Variants in VTI1A observed in about 807,000 individuals in gnomAD.
VTI1A encodes vesicle transport through interaction with t-SNAREs homolog 1A.
Under a neutral mutation model 34.9 loss-of-function variants are expected in VTI1A, and 22 were observed. The observed-to-expected ratio is 0.63, with a 90% CI of 0.45 to 0.90. The LOEUF is 0.90. Ranked by LOEUF, VTI1A falls within the 40% of genes least tolerant of loss-of-function variation. The pLI is 0.00. For missense variants in VTI1A, 268 were observed against 275.6 expected (o/e 0.97, Z 0.20); for synonymous variants, 87 against 97.3 (o/e 0.89, Z 0.62).
rs533346428 is a variant in VTI1A, at chr10:112,782,465, G to T, written c.561-32825G>T. ...AAGATAGGACCTTAGCGTTTCCAAG[G>T]CCTTCTGAGTGAAAACATCTGTATC... On this transcript the variant is annotated intron_variant, in intron 7 of 7. Coordinates refer to ENST00000393077, the MANE Select transcript of VTI1A (RefSeq NM_145206.4). Among the ~76,000 whole-genome samples, 3 of 152,374 alleles carry T rather than the reference G, an allele frequency of 2.0e-5. No homozygotes were observed. The East Asian group carries it at 5.8e-4, about 29-fold the overall frequency.
chr10:112,830,841 A>T, the VTI1A span, among the ~76,000 whole-genome samples: 35 of 46,176 alleles, frequency 7.6e-4, 3 homozygotes, highest in African/African-American at 2.7e-3. Context: ...ATATATATAT[A>T]TATATATATT....
At chr10:112,851,648 CAG>C in the VTI1A span, among the ~76,000 whole-genome samples, 8 of 152,162 alleles carry the variant, frequency 5.3e-5, no homozygotes, top group Non-Finnish European at 1.2e-4. Flanking sequence ...GTATTGAAAA[CAG>C]AGGGATGTGA....
intron 4 of VTI1A, 107 bp from the exon 5 acceptor site, chr10:112,538,139 C>T (rs1589876526): frequency 3.5e-6 from 3 of 852,118 alleles, no homozygotes; most frequent in East Asian, 5.3e-5. Flanking sequence ...GGGTTGCGAA[C>T]CCCCCCACCC....
intron 5 of VTI1A, among the ~76,000 whole-genome samples, chr10:112,635,354 G>A (rs1846313811): frequency 1.3e-5 from 2 of 152,166 alleles, no homozygotes; most frequent in Non-Finnish European, 2.9e-5. Context: ...AGGATTGTAC[G>A]GATTGGAGAT....
intron 5 of VTI1A, among the ~76,000 whole-genome samples, chr10:112,621,689 A>G: frequency 6.6e-6 from 1 of 152,186 alleles, no homozygotes; most frequent in East Asian, 1.9e-4. Flanking sequence ...CCCTGTCTCT[A>G]GAAGTCCTTT....
At chr10:112,747,632 T>C (rs1850944844) in intron 7 of VTI1A, among the ~76,000 whole-genome samples, 3 of 152,332 alleles carry the variant, frequency 2.0e-5, no homozygotes, top group Admixed American at 2.0e-4. Flanking sequence ...AACATAAGAA[T>C]ATTGGTAAGG....
intron 5 of VTI1A, among the ~76,000 whole-genome samples, chr10:112,596,500 T>G (rs1844652701): frequency 6.6e-6 from 1 of 152,172 alleles, no homozygotes; most frequent in South Asian, 2.1e-4. Context: ...AATATTGCAG[T>G]AGGGATAGTT....
chr10:112,522,417 CTG>C (rs1245646967), intron 3 of VTI1A, among the ~76,000 whole-genome samples: 1 of 152,048 alleles, frequency 6.6e-6, no homozygotes. Context: ...ATACTGCACT[CTG>C]TATCAATTAT....
intron 5 of VTI1A, among the ~76,000 whole-genome samples, chr10:112,583,753 A>G (rs898341930): frequency 3.9e-5 from 6 of 152,146 alleles, no homozygotes; most frequent in African/African-American, 1.4e-4. Flanking sequence ...TAATAGAGAG[A>G]GCTAGTTGTG....
At chr10:112,695,910 A>AGTTAGATGAAACGTGTAAGTTGTTAT (rs1848767487) in intron 7 of VTI1A, among the ~76,000 whole-genome samples, 1 of 152,198 alleles carries the variant, frequency 6.6e-6, no homozygotes, top group African/African-American at 2.4e-5. Flanking sequence ...TCCTCTGAAA[A>AGTTAGATGAAACGTGTAAGTTGTTAT]GTTAGATGAA....
intron 7 of VTI1A, among the ~76,000 whole-genome samples, chr10:112,739,211 T>A (rs991649967): frequency 2.6e-5 from 4 of 152,196 alleles, no homozygotes; most frequent in Non-Finnish European, 5.9e-5. Context: ...TCCCGCCTTA[T>A]CGAACCCTTT....
intron 3 of VTI1A, among the ~76,000 whole-genome samples, chr10:112,467,178 C>G (rs1023675035): frequency 6.6e-6 from 1 of 151,932 alleles, no homozygotes; most frequent in African/African-American, 2.4e-5. Context: ...TAAATTATTT[C>G]TGTGGCTTAT....
intron 5 of VTI1A, among the ~76,000 whole-genome samples, chr10:112,599,650 G>A (rs1280973176): frequency 6.6e-6 from 1 of 152,046 alleles, no homozygotes; most frequent in Non-Finnish European, 1.5e-5. Context: ...CATGATCATG[G>A]CTCACTGCAA....
intron 5 of VTI1A, among the ~76,000 whole-genome samples, chr10:112,616,508 G>A (rs1331581923): frequency 6.6e-6 from 1 of 151,884 alleles, no homozygotes; most frequent in Admixed American, 6.6e-5. Context: ...TATACATTCA[G>A]TTCAACAAAA....
At chr10:112,829,749 A>G in the VTI1A span, among the ~76,000 whole-genome samples, 2 of 152,234 alleles carry the variant, frequency 1.3e-5, no homozygotes, top group Non-Finnish European at 2.9e-5. Context: ...GAAAGACTCC[A>G]TTTCAAAAAA....
chr10:112,501,922 A>G (rs982744080), intron 3 of VTI1A, among the ~76,000 whole-genome samples: 2 of 151,648 alleles, frequency 1.3e-5, no homozygotes, highest in African/African-American at 2.4e-5. Context: ...TTTCCACAAT[A>G]TTATATCCTC....
intron 3 of VTI1A, among the ~76,000 whole-genome samples, chr10:112,493,558 G>A (rs1287223308): frequency 1.3e-5 from 2 of 151,966 alleles, no homozygotes; most frequent in Non-Finnish European, 1.5e-5. Context: ...CCAATTTTAG[G>A]GGGAAGTATT....
chr10:112,664,691 C>A (rs1286994878), intron 5 of VTI1A, among the ~76,000 whole-genome samples: 1 of 152,100 alleles, frequency 6.6e-6, no homozygotes, highest in African/African-American at 2.4e-5. Context: ...ACGTGTGTTT[C>A]TCTATAAAAA....
At chr10:112,619,004 A>G (rs1364177553) in intron 5 of VTI1A, among the ~76,000 whole-genome samples, 1 of 152,124 alleles carries the variant, frequency 6.6e-6, no homozygotes. Flanking sequence ...GTCTGGGAGA[A>G]TCTCCAACAA....
Sources: allele counts gnomAD v4.1 joint callset (sites outside exome capture counted in the v4.1 genomes callset), GRCh38; gene constraint gnomAD v4.1.1; transcripts MANE v1.5; gene names NCBI Gene and HGNC (gene_info 2026-07-23, HGNC 2026-07-21).